Variants in XG observed in about 807,000 individuals in gnomAD.
XG encodes the protein Xg glycoprotein (Xg blood group), also known as glycoprotein Xg.
In XG, 24 loss-of-function variants were observed where a neutral mutation model predicts 25.7. The observed-to-expected ratio is 0.93, with a 90% CI of 0.68 to 1.31. The LOEUF is 1.31. Ranked by LOEUF, XG falls within the 40% of genes most tolerant of loss-of-function variation. XG has a pLI of 0.00. For synonymous variants in XG, 77 were observed against 69.2 expected (o/e 1.11, Z -0.56); for missense variants, 181 against 187.6 (o/e 0.96, Z 0.21).
At chrX:2,755,666 G>C (rs981465043) in intron 1 of XG, among the ~76,000 whole-genome samples, 7 of 152,156 alleles carry the variant, frequency 4.6e-5, no homozygotes, top group Admixed American at 4.6e-4. Flanking sequence ...CGCCCCTTAG[G>C]GAGGTTACAG....
intron 3 of XG, among the ~76,000 whole-genome samples, chrX:2,776,709 A>G (rs311163): frequency 0.013 from 1,905 of 152,246 alleles, 38 homozygotes; most frequent in African/African-American, 0.042. Flanking sequence ...TTTGCCAGGC[A>G]TGGTGGCGGG....
intron 1 of XG, among the ~76,000 whole-genome samples, chrX:2,766,024 A>T (rs766469565): frequency 1.3e-5 from 2 of 152,374 alleles, no homozygotes; most frequent in Admixed American, 1.3e-4. Context: ...GCTTTGGTTC[A>T]TCCAAGTCTG....
At chrX:2,767,160 C>T (rs1326189435) in intron 1 of XG, among the ~76,000 whole-genome samples, 2 of 152,038 alleles carry the variant, frequency 1.3e-5, no homozygotes, top group African/African-American at 4.8e-5. Flanking sequence ...GGGTGGGAGG[C>T]AGGGGAACTC....
chrX:2,780,649 C>T (rs2051099554), intron 3 of XG, among the ~76,000 whole-genome samples: 1 of 150,576 alleles, frequency 6.6e-6, no homozygotes. Context: ...ACCCAGGAGG[C>T]GGAGGTTGCA....
intron 6 of XG, 43 bp from the exon 7 acceptor site, chrX:2,797,267 A>G (rs977881148): frequency 7.5e-6 from 9 of 1,200,358 alleles, no homozygotes; most frequent in South Asian, 5.3e-5. Flanking sequence ...CCCCACGCTC[A>G]GACACCTGAA....
At chrX:2,777,644 AGAAG>A (rs1273261699) in intron 3 of XG, among the ~76,000 whole-genome samples, 1 of 152,214 alleles carries the variant, frequency 6.6e-6, no homozygotes, top group Non-Finnish European at 1.5e-5. Context: ...ATGGAAGTTA[AGAAG>A]GAAGGAATTA....
In XG at chrX:2,771,043, G is replaced by A. The variant is rs774524055; in HGVS notation, c.103+452G>A. On this transcript the variant is annotated intron_variant, in intron 2 of 10. Transcript: ENST00000644266. ...TTTCTTTTTTCTTTTTTGTAGAAACGGATTCTCACTATGTTGCCCAGGCTG... is the reference window on the plus strand; with the variant it reads ...TTTCTTTTTTCTTTTTTGTAGAAACAGATTCTCACTATGTTGCCCAGGCTG... Among the ~76,000 whole-genome samples the A allele has an allele frequency of 3.3e-5, 5 of 151,874 alleles. No individual in the cohort carries two copies. The South Asian group carries it at 6.2e-4, about 19-fold the overall frequency.
chrX:2,767,729 G>C (rs1238340161), intron 1 of XG, among the ~76,000 whole-genome samples: 2 of 152,138 alleles, frequency 1.3e-5, no homozygotes, highest in Non-Finnish European at 2.9e-5. Flanking sequence ...AGAGGACAGG[G>C]GGCCCTGCCT....
chrX:2,805,579 G>A (rs141804889), intron 7 of XG, among the ~76,000 whole-genome samples: 135 of 105,633 alleles, frequency 1.3e-3, no homozygotes, highest in African/African-American at 4.5e-3. Flanking sequence ...CTTAGAAACA[G>A]CAGACATTGA....
At chrX:2,779,209 G>A (rs1477529355) in intron 3 of XG, among the ~76,000 whole-genome samples, 5 of 150,782 alleles carry the variant, frequency 3.3e-5, no homozygotes, top group African/African-American at 2.4e-5. Flanking sequence ...GCATAACCAC[G>A]CCCATAGTCC....
intron 1 of XG, among the ~76,000 whole-genome samples, chrX:2,767,193 C>T (rs1402073397): frequency 2.6e-5 from 4 of 152,158 alleles, no homozygotes; most frequent in East Asian, 3.9e-4. Context: ...TCTTTGAATC[C>T]GGCAGGGGTG....
chrX:2,793,417 C>T (rs1429860668), intron 5 of XG, among the ~76,000 whole-genome samples: 3 of 111,940 alleles, frequency 2.7e-5, no homozygotes, highest in Admixed American at 9.6e-5. Context: ...CAGTCTATGA[C>T]AGACACCATC....
At chrX:2,777,820 G>C (rs1471156524) in intron 3 of XG, among the ~76,000 whole-genome samples, 1 of 152,164 alleles carries the variant, frequency 6.6e-6, no homozygotes, top group Non-Finnish European at 1.5e-5. Flanking sequence ...CAGCACTGTA[G>C]GAAGCCGAGG....
chrX:2,813,452 C>G (rs1383015896), intron 10 of XG, among the ~76,000 whole-genome samples: 1 of 112,273 alleles, frequency 8.9e-6, no homozygotes, highest in Non-Finnish European at 1.9e-5. Flanking sequence ...CTCTAAAGTT[C>G]CAGGCTGCTG....
chrX:2,777,798 C>T (rs1281268644), intron 3 of XG, among the ~76,000 whole-genome samples: 1 of 152,104 alleles, frequency 6.6e-6, no homozygotes, highest in Non-Finnish European at 1.5e-5. Context: ...CAGTGGCTCA[C>T]GCCTGTAATC....
intron 1 of XG, among the ~76,000 whole-genome samples, chrX:2,754,829 G>T (rs1401489446): frequency 6.6e-6 from 1 of 152,154 alleles, no homozygotes; most frequent in African/African-American, 2.4e-5. Flanking sequence ...TTGAGGGTGG[G>T]TCCGCCCCTT....
At chrX:2,776,711 G>T (rs1446509876) in intron 3 of XG, among the ~76,000 whole-genome samples, 1 of 152,194 alleles carries the variant, frequency 6.6e-6, no homozygotes, top group African/African-American at 2.4e-5. Flanking sequence ...TGCCAGGCAT[G>T]GTGGCGGGCG....
intron 4 of XG, among the ~76,000 whole-genome samples, chrX:2,785,925 T>C (rs2086779152): frequency 9.0e-6 from 1 of 111,174 alleles, no homozygotes; most frequent in South Asian, 3.8e-4. Context: ...CCTAGGCCTT[T>C]CCATGTTCTC....
intron 1 of XG, among the ~76,000 whole-genome samples, chrX:2,759,123 G>A (rs1048350621): frequency 7.2e-5 from 11 of 152,044 alleles, no homozygotes; most frequent in African/African-American, 2.4e-4. Context: ...AGGGATAATT[G>A]TGTTCCTCGA....
Sources: allele counts gnomAD v4.1 joint callset (sites outside exome capture counted in the v4.1 genomes callset), GRCh38; gene constraint gnomAD v4.1.1; transcripts MANE v1.5; gene names NCBI Gene and HGNC (gene_info 2026-07-23, HGNC 2026-07-21).